The following CAMK1D variants were observed in gnomAD, a reference collection of about 807,000 sequenced individuals.
CAMK1D encodes the protein calcium/calmodulin-dependent protein kinase type 1D.
In CAMK1D, 9 loss-of-function variants were observed where a neutral mutation model predicts 47.7. The observed-to-expected ratio is 0.19, with a 90% CI of 0.11 to 0.33. The LOEUF (loss-of-function observed/expected upper bound fraction) is 0.33. Among genes scored for constraint, CAMK1D ranks in the 10% least tolerant of loss-of-function variants. The pLI is 1.00. For missense variants in CAMK1D, 291 were observed against 488.7 expected (o/e 0.60, Z 3.81); for synonymous variants, 184 against 184.9 (o/e 0.99, Z 0.04).
intron 1 of CAMK1D, among the ~76,000 whole-genome samples, chr10:12,454,183 G>A (rs981372775): frequency 2.6e-5 from 4 of 152,148 alleles, no homozygotes; most frequent in African/African-American, 7.2e-5. Flanking sequence ...TTGTTTTCGC[G>A]ATGGAGTCTC....
chr10:12,545,117 T>C (rs554309557), intron 1 of CAMK1D, among the ~76,000 whole-genome samples: 3 of 152,054 alleles, frequency 2.0e-5, no homozygotes, highest in South Asian at 4.2e-4. Context: ...AGGAAGCATG[T>C]TAAGGACTGT....
chr10:12,776,725 C>T (rs1837263095), intron 5 of CAMK1D, among the ~76,000 whole-genome samples: 1 of 152,178 alleles, frequency 6.6e-6, no homozygotes, highest in African/African-American at 2.4e-5. Flanking sequence ...CTCTGAAAGG[C>T]ATATCACGGC....
At chr10:12,533,317 C>T (rs958288691) in intron 1 of CAMK1D, among the ~76,000 whole-genome samples, 5 of 152,140 alleles carry the variant, frequency 3.3e-5, no homozygotes, top group African/African-American at 7.2e-5. Flanking sequence ...CTTTCCCTTG[C>T]ATTGTTTATC....
At chr10:12,508,105 G>C (rs1358146256) in intron 1 of CAMK1D, among the ~76,000 whole-genome samples, 1 of 152,202 alleles carries the variant, frequency 6.6e-6, no homozygotes, top group Non-Finnish European at 1.5e-5. Context: ...GCTCTAGGAA[G>C]ACGATTCCCA....
intron 1 of CAMK1D, among the ~76,000 whole-genome samples, chr10:12,481,812 C>G (rs1834073816): frequency 6.6e-6 from 1 of 152,146 alleles, no homozygotes; most frequent in Non-Finnish European, 1.5e-5. Flanking sequence ...CTGGCCTAAA[C>G]TCTTTCTTGT....
intron 1 of CAMK1D, among the ~76,000 whole-genome samples, chr10:12,412,936 G>A (rs1243393782): frequency 6.6e-6 from 1 of 152,126 alleles, no homozygotes; most frequent in East Asian, 1.9e-4. Flanking sequence ...CACTTGTCTT[G>A]TGGTGGAACT....
intron 2 of CAMK1D, among the ~76,000 whole-genome samples, chr10:12,659,252 A>G (rs530602999): frequency 1.8e-4 from 27 of 152,192 alleles, no homozygotes; most frequent in Non-Finnish European, 3.1e-4. Context: ...CTCCTGTACT[A>G]CAGGGAGCCA....
intron 1 of CAMK1D, among the ~76,000 whole-genome samples, chr10:12,474,853 T>C (rs1370206611): frequency 7.4e-6 from 1 of 134,942 alleles, no homozygotes; most frequent in East Asian, 2.6e-4. Flanking sequence ...CAGTATTTGG[T>C]TTTGCGTTCC....
chr10:12,744,848 C>G lies in CAMK1D; in HGVS notation c.300-16100C>G, dbSNP rs531725810. On this transcript the variant is annotated intron_variant, in intron 3 of 10. Transcript: ENST00000619168. The stretch of plus-strand genomic sequence containing the variant: ...CCCAGGAGTTCAAGGCTGCAGTGAG[C>G]TGTGGTCATGCCACTGTACTCCAGC... Among the ~76,000 whole-genome samples the G allele has an allele frequency of 6.6e-5, 10 of 152,282 alleles. No individual in the cohort carries two copies. The East Asian group carries it at 1.9e-3, about 29-fold the overall frequency.
intron 1 of CAMK1D, among the ~76,000 whole-genome samples, chr10:12,368,003 T>C (rs1286101814): frequency 6.6e-6 from 1 of 151,956 alleles, no homozygotes; most frequent in African/African-American, 2.4e-5. Flanking sequence ...CCATCCTGGC[T>C]AACACAGTGA....
At chr10:12,576,500 C>G (rs1309214804) in intron 2 of CAMK1D, among the ~76,000 whole-genome samples, 1 of 151,966 alleles carries the variant, frequency 6.6e-6, no homozygotes, top group African/African-American at 2.4e-5. Flanking sequence ...TGAAATAATT[C>G]TACAACTCAC....
intron 1 of CAMK1D, 68 bp downstream of exon 1, chr10:12,349,978 G>A: frequency 1.3e-6 from 1 of 761,638 alleles, no homozygotes; most frequent in Non-Finnish European, 1.9e-6. Context: ...AGCTCCAGCT[G>A]CCGCCGCCGC....
intron 1 of CAMK1D, among the ~76,000 whole-genome samples, chr10:12,366,615 C>T (rs748018967): frequency 1.4e-4 from 21 of 151,698 alleles, no homozygotes; most frequent in Admixed American, 2.6e-4. Flanking sequence ...GCTGAGATTG[C>T]GTGACTGCAC....
chr10:12,595,385 C>G (rs1383078800), intron 2 of CAMK1D, among the ~76,000 whole-genome samples: 2 of 114,364 alleles, frequency 1.7e-5, no homozygotes, highest in Non-Finnish European at 3.4e-5. Flanking sequence ...AGGAGAGATT[C>G]TTCTTTTGCT....
intron 6 of CAMK1D, among the ~76,000 whole-genome samples, chr10:12,805,441 G>C (rs1838687918): frequency 1.4e-5 from 2 of 145,864 alleles, no homozygotes; most frequent in Admixed American, 1.4e-4. Flanking sequence ...CGCGATCTCA[G>C]CTCACTGCAA....
At position 12,638,033 on chromosome 10, in the gene CAMK1D, G is replaced by A. The variant is rs1839558961; in HGVS notation, c.225-28703G>A. ...TAGTGACCACAGGCAGCTGAATGGT[G>A]GAGGACGGGGGGATTCCGATATCCT... is the stretch of plus-strand genomic sequence containing the variant. On this transcript the variant is annotated intron_variant, in intron 2 of 10. Coordinates refer to ENST00000619168, the MANE Select transcript of CAMK1D (RefSeq NM_153498.4). Among the ~76,000 whole-genome samples the A allele has an allele frequency of 2.0e-5, 3 of 152,276 alleles. No individual in the cohort carries two copies. The South Asian group carries it at 6.2e-4, about 32-fold the overall frequency.
At chr10:12,368,074 C>G (rs112863873) in intron 1 of CAMK1D, among the ~76,000 whole-genome samples, 22,822 of 152,096 alleles carry the variant, frequency 0.15, 1,878 homozygotes, top group Middle Eastern at 0.27. Flanking sequence ...CGCCTGTAGT[C>G]CCAGCTACTC....
intron 2 of CAMK1D, among the ~76,000 whole-genome samples, chr10:12,593,483 T>C (rs1459213338): frequency 6.6e-6 from 1 of 151,530 alleles, no homozygotes; most frequent in South Asian, 2.1e-4. Context: ...CCAGCTACTC[T>C]GGAGGCTGAG....
Position 12,349,873 on chromosome 10 carries a change from A to G in CAMK1D, c.55A>G (p.Ile19Val). Residue 19 changes from isoleucine (I) to valine (V), a missense_variant, in exon 1 of 11, where the codon ATC (isoleucine) becomes GTC (valine). Physicochemically the swap from Ile to Val is conservative, Grantham distance 29. Coordinates refer to ENST00000619168, the MANE Select transcript of CAMK1D (RefSeq NM_153498.4). ...SSSWKKQAED[I>V]KKIFEFKETL... ...CTCCTGGAAAAAGCAAGCTGAAGAC[A>G]TCAAGAAGATCTTCGAGTTCAAAGA... The G allele has an allele frequency of 6.5e-7, 1 of 1,546,898 alleles. No homozygotes were observed. The highest frequency in any genetic ancestry group is 1.2e-5 in the South Asian group (1 of 86,126).
Sources: allele counts gnomAD v4.1 joint callset (sites outside exome capture counted in the v4.1 genomes callset), GRCh38; gene constraint gnomAD v4.1.1; transcripts MANE v1.5; gene names NCBI Gene and HGNC (gene_info 2026-07-23, HGNC 2026-07-21).